Variants in KCTD1 observed in about 807,000 individuals in gnomAD.
The protein encoded by KCTD1 is potassium channel tetramerization domain containing 1.
In KCTD1, 24 loss-of-function variants were observed where a neutral mutation model predicts 66.0. The ratio of observed to expected loss-of-function variants is 0.36; its 90% CI spans 0.26 to 0.51. The LOEUF is 0.51. Among genes scored for constraint, KCTD1 ranks in the 20% least tolerant of loss-of-function variants. The pLI is 0.95. For missense variants in KCTD1, 943 were observed against 1,205.2 expected, an observed-to-expected ratio of 0.78 and a Z score of 3.22; for synonymous variants, 511 against 517.2, an observed-to-expected ratio of 0.99 and a Z score of 0.16.
At chr18:26,549,692 C>CACAATTCG (rs1041257496), upstream of KCTD1, 3 of 983,792 alleles carry the variant, frequency 3.0e-6, no homozygotes, top group African/African-American at 3.5e-5. Context: ...CTGCCGCAGC[C>CACAATTCG]ACAATTCGGC....
chr18:26,530,055 A>G (rs1984362137), intron 1 of KCTD1, among the ~76,000 whole-genome samples: 2 of 152,198 alleles, frequency 1.3e-5, no homozygotes, highest in South Asian at 4.1e-4. Flanking sequence ...CTTACGAATC[A>G]GAGTCTCCCA....
chr18:26,537,460 C>T (rs554529291), intron 1 of KCTD1, among the ~76,000 whole-genome samples: 2 of 152,314 alleles, frequency 1.3e-5, no homozygotes, highest in South Asian at 4.1e-4. Flanking sequence ...CACTGTCACA[C>T]TAAAAACAAG....
intron 1 of KCTD1, among the ~76,000 whole-genome samples, chr18:26,542,490 T>C (rs1202489702): frequency 6.6e-6 from 1 of 152,196 alleles, no homozygotes; most frequent in East Asian, 1.9e-4. Context: ...CCTGTATCGA[T>C]TCTGCTTTCA....
chr18:26,561,128 G>C (rs897445731), intron 1 of KCTD1, among the ~76,000 whole-genome samples: 15 of 150,270 alleles, frequency 1.0e-4, no homozygotes, highest in African/African-American at 3.2e-4. Flanking sequence ...ATTTTATTAA[G>C]CAAGTAAAAA....
In KCTD1 at chr18:26,476,748, TA is replaced by T; in HGVS notation, c.1989-90del. ...AGGTGTCTTTTATCACTGTCAAAGGTAGCACTTTTGAAGATGGCAGTAGGGA... is the reference window on the plus strand; with the variant it reads ...AGGTGTCTTTTATCACTGTCAAAGGTGCACTTTTGAAGATGGCAGTAGGGA... On this transcript the variant is annotated intron_variant, in intron 2 of 4. Transcript: ENST00000580059. The surrounding 1 kb of genome is among the most constrained non-coding windows in gnomAD (Gnocchi z 4.9). 1 of 1,226,072 alleles carries T rather than the reference TA, an allele frequency of 8.2e-7. No individual in the cohort carries two copies. Among genetic ancestry groups the T allele is most frequent in the Middle Eastern group, 1.9e-4 (1 of 5,334 alleles). 75.9% of individuals were successfully genotyped at this position (1,226,072 alleles called of 1,614,324 possible).
chr18:26,520,575 T>A (rs556263620), intron 1 of KCTD1, among the ~76,000 whole-genome samples: 3 of 150,898 alleles, frequency 2.0e-5, no homozygotes, highest in Admixed American at 6.6e-5. Context: ...TCACACATAT[T>A]TCTGAAGTGA....
intron 1 of KCTD1, among the ~76,000 whole-genome samples, chr18:26,605,758 A>ATCTG (rs546584332): frequency 0.014 from 1,970 of 144,534 alleles, 25 homozygotes; most frequent in African/African-American, 0.037. Context: ...CTATCTATCT[A>ATCTG]TCTATCTATC....
chr18:26,656,911 A>AGGGCGGGGGAGAGCCGCGGC (rs1988162261), intron 1 of KCTD1, among the ~76,000 whole-genome samples: 1 of 5,152 alleles, frequency 1.9e-4, no homozygotes, highest in Admixed American at 2.1e-3. Context: ...GGGCTCGGGG[A>AGGGCGGGGGAGAGCCGCGGC]GGGCGGGGGA....
At chr18:26,635,311 A>T (rs1230538022) in intron 1 of KCTD1, among the ~76,000 whole-genome samples, 1 of 152,198 alleles carries the variant, frequency 6.6e-6, no homozygotes. Flanking sequence ...TTCCCTGCCC[A>T]CTGTGCCCAC....
intron 1 of KCTD1, among the ~76,000 whole-genome samples, chr18:26,505,901 G>T (rs1365403109): frequency 1.3e-5 from 2 of 151,868 alleles, no homozygotes; most frequent in African/African-American, 2.4e-5. Context: ...TTGAGACAGG[G>T]TCTCACCTCT....
upstream of KCTD1, among the ~76,000 whole-genome samples, chr18:26,642,710 G>A (rs1987854945): frequency 6.6e-6 from 1 of 152,212 alleles, no homozygotes; most frequent in African/African-American, 2.4e-5. Flanking sequence ...TAAGTAGCGT[G>A]AAACACTGAA....
chr18:26,547,023 G>GGGC lies in KCTD1; in HGVS notation c.1511_1513dup (p.Arg504dup). On this transcript the variant is annotated inframe_insertion, in exon 1 of 5. Transcript: ENST00000580059. ...AGTGTTCCCCAGCGAGGGCGGCTGG[G>GGGC]GGCGGTGGTGGTGGGAGGGATGGGT... The GGGC allele has an allele frequency of 6.7e-7, 1 of 1,486,282 alleles. No individual in the cohort carries two copies. Among genetic ancestry groups the GGGC allele is most frequent in the Non-Finnish European group, 9.0e-7 (1 of 1,115,154 alleles). The allele number at this position is 1,486,282 out of a possible 1,614,324, so 92.1% of individuals were successfully genotyped here. A position where few individuals can be genotyped will look rare whatever the true frequency, so the allele number is the denominator to read the frequency against.
intron 1 of KCTD1, among the ~76,000 whole-genome samples, chr18:26,647,861 G>C (rs1313661271): frequency 6.6e-6 from 1 of 151,750 alleles, no homozygotes; most frequent in Non-Finnish European, 1.5e-5. Context: ...TTTGGAGACA[G>C]AGTCTCATTG....
intron 2 of KCTD1, among the ~76,000 whole-genome samples, chr18:26,484,499 C>G (rs1479868027): frequency 1.3e-5 from 2 of 152,096 alleles, no homozygotes; most frequent in Non-Finnish European, 2.9e-5. Flanking sequence ...CTCAGGGCCA[C>G]TCGGGGGTAG....
intron 3 of KCTD1, among the ~76,000 whole-genome samples, chr18:26,472,865 G>C (rs1213065827): frequency 1.3e-5 from 2 of 152,192 alleles, no homozygotes; most frequent in Non-Finnish European, 2.9e-5. Flanking sequence ...GTGGGAAGCT[G>C]GCCTGCTCTC....
At chr18:26,584,856 A>G (rs7237668) in intron 1 of KCTD1, among the ~76,000 whole-genome samples, 36,876 of 151,976 alleles carry the variant, frequency 0.24, 4,579 homozygotes, top group East Asian at 0.33. Flanking sequence ...AGGGATACGA[A>G]AGGAAGGTGT....
chr18:26,505,293 T>C lies in KCTD1; in HGVS notation c.1810-4043A>G, dbSNP rs1386006971. On this transcript the variant is annotated intron_variant, in intron 1 of 4. Transcript: ENST00000580059. ...CTTAGTTTGTGTATGTCTTTCAGGA[T>C]TACTTCTGGAGAAAGGAAAACCATA... Among the ~76,000 whole-genome samples the C allele has an allele frequency of 2.0e-5, 3 of 152,364 alleles. No homozygotes were observed. In the South Asian group the frequency reaches 6.2e-4, roughly 32 times the overall value.
At chr18:26,567,403 A>G (rs565330983) in intron 1 of KCTD1, among the ~76,000 whole-genome samples, 3 of 151,874 alleles carry the variant, frequency 2.0e-5, no homozygotes, top group Middle Eastern at 3.2e-3. Context: ...TCTCCATCTT[A>G]GGGATGGTGT....
intron 1 of KCTD1, among the ~76,000 whole-genome samples, chr18:26,574,840 AG>A (rs1454619722): frequency 6.6e-6 from 1 of 152,188 alleles, no homozygotes; most frequent in East Asian, 1.9e-4. Flanking sequence ...ATTCATTCCC[AG>A]GATAAAACTG....
Sources: gnomAD v4.1 joint callset for allele counts (sites outside exome capture counted in the v4.1 genomes callset) on GRCh38, gnomAD v4.1.1 for gene constraint, Gnocchi (gnomAD v3.1) non-coding constraint, MANE v1.5 for transcripts, NCBI Gene and HGNC (gene_info 2026-07-23, HGNC 2026-07-21) for gene names.